EP300: variants seen among roughly 807,000 people sequenced by gnomAD.
EP300 encodes histone acetyltransferase p300.
EP300 carries 31 observed loss-of-function variants against 264.0 expected under a neutral mutation model. The ratio of observed to expected loss-of-function variants is 0.12; its 90% confidence interval spans 0.09 to 0.16. The LOEUF (loss-of-function observed/expected upper bound fraction) is 0.16, where lower values mean the gene tolerates loss of function less well. Among genes scored for constraint, EP300 ranks in the 10% least tolerant of loss-of-function variants. The pLI is 1.00. For missense variants in EP300, 2,766 were observed against 3,052.9 expected (o/e 0.91, Z 2.21); for synonymous variants, 1,340 against 1,045.4 (o/e 1.28, Z -5.44).
At chr22:41,135,232 C>T (rs9611502) in intron 6 of EP300, among the ~76,000 whole-genome samples, 4,020 of 152,268 alleles carry the variant, frequency 0.026, 89 homozygotes, top group South Asian at 0.084. Flanking sequence ...GCAGAATGCA[C>T]TTACCTTTTT....
intron 1 of EP300, among the ~76,000 whole-genome samples, chr22:41,115,638 C>G (rs1255675459): frequency 6.6e-6 from 1 of 152,140 alleles, no homozygotes; most frequent in Non-Finnish European, 1.5e-5. Flanking sequence ...CTGTGTTGAC[C>G]TGGGCTGAAG....
rs1389136890 is a variant in EP300 at position 41,127,603 on chromosome 22, G to A, written c.1023G>A (p.Gln341=). The change falls in exon 4 of 31, where the codon CAG becomes CAA. Residue 341 remains glutamine (Q), a synonymous_variant. Transcript: ENST00000263253. Reference sequence around the variant, plus strand: ...AGAAGCGCAAGCTCATCCAGCAGCAGCTTGTTCTCCTTTTGCATGCTCACA... The same window carrying A: ...AGAAGCGCAAGCTCATCCAGCAGCAACTTGTTCTCCTTTTGCATGCTCACA... ...DPEKRKLIQQ[Q]LVLLLHAHKC... The A allele has an allele frequency of 6.2e-7, 1 of 1,614,222 alleles. No individual in the cohort carries two copies. Among genetic ancestry groups the A allele is most frequent in the East Asian group, 2.2e-5 (1 of 44,882 alleles).
intron 11 of EP300, among the ~76,000 whole-genome samples, chr22:41,147,420 G>A (rs2059017510): frequency 6.6e-6 from 1 of 151,986 alleles, no homozygotes; most frequent in Non-Finnish European, 1.5e-5. Context: ...ATACTTAGAA[G>A]GTTGAAAGCC....
rs906322621 is a variant in EP300 at position 41,179,550 on chromosome 22, T to G, written c.*594T>G. 5.4e-6 allele frequency: 1 copy of G among 185,372 alleles called. No homozygotes were observed. Among genetic ancestry groups the G allele is most frequent in the African/African-American group, 2.4e-5 (1 of 41,176 alleles). The allele number at this position is 185,372 out of a possible 1,614,324, so 11.5% of individuals were successfully genotyped here. A position where few individuals can be genotyped will look rare whatever the true frequency, so the allele number is the denominator to read the frequency against. ...AAAATGTTTAAAAAAAAAAAAAAACTGCCTTTCTTCCCCTCAAGTCAACTT... is the reference window on the plus strand; with the variant it reads ...AAAATGTTTAAAAAAAAAAAAAAACGGCCTTTCTTCCCCTCAAGTCAACTT... On this transcript the variant is annotated 3_prime_UTR_variant, in exon 31 of 31. Transcript: ENST00000263253.
In EP300 at chr22:41,178,265, G is replaced by T; in HGVS notation, c.6554G>T (p.Arg2185Leu). ...TCACAATTCCGAGACATCTTGAGAC[G>T]ACAGCAAATGATGCAACAGCAGCAG... ...MPSQFRDILR[R>L]QQMMQQQQQQ... The change falls in exon 31 of 31, where the codon CGA (arginine) becomes CTA (leucine). Residue 2185 changes from arginine to leucine, a missense_variant. Transcript: ENST00000263253. 1 of 1,613,996 alleles carries T rather than the reference G, an allele frequency of 6.2e-7. No homozygotes were observed. The highest frequency in any genetic ancestry group is 8.5e-7 in the Non-Finnish European group (1 of 1,180,000).
chr22:41,176,883 C>G lies in EP300; in HGVS notation c.5172C>G (p.Thr1724=), dbSNP rs142330184. 5.0e-6 allele frequency: 8 copies of G among 1,614,112 alleles called. No individual in the cohort carries two copies. Among genetic ancestry groups the G allele is most frequent in the Non-Finnish European group, 6.8e-6 (8 of 1,179,982 alleles). The change falls in exon 31 of 31, where the codon ACC becomes ACG. Residue 1724 remains threonine (T), a synonymous_variant. Transcript: ENST00000263253. ...GCAACAACCAGCAGGCTGCAGCCAC[C>G]CAGAGCCCAGGCGATTCTCGCCGCC... ...DESNNQQAAA[T]QSPGDSRRLS... is the part of the protein sequence containing the mutation.
chr22:41,148,576 C>G (rs2059025494), intron 12 of EP300, among the ~76,000 whole-genome samples: 1 of 152,130 alleles, frequency 6.6e-6, no homozygotes, highest in Non-Finnish European at 1.5e-5. Flanking sequence ...TGTAACAGTG[C>G]TAGAGCATTT....
Position 41,152,199 on chromosome 22 carries a change from C to T in EP300, c.2998-7C>T. 1 of 1,613,798 alleles carries T rather than the reference C, an allele frequency of 6.2e-7. No individual in the cohort carries two copies. The highest frequency in any genetic ancestry group is 2.2e-5 in the East Asian group (1 of 44,890). ...GGAATACTAAAAATTCTTACGTTTT[C>T]TTTTAGTCTAAAGTGGAAGACTGTA... On this transcript the variant is annotated splice_polypyrimidine_tract_variant and splice_region_variant and intron_variant, in intron 15 of 30. Transcript: ENST00000263253.
At chr22:41,137,814 T>C (rs1978730002) in intron 8 of EP300, 24 bp downstream of exon 8, 2 of 1,614,112 alleles carry the variant, frequency 1.2e-6, no homozygotes, top group Non-Finnish European at 8.5e-7. Flanking sequence ...TGGACACGTC[T>C]CATTCGTAAA....
intron 1 of EP300, among the ~76,000 whole-genome samples, chr22:41,110,411 G>C (rs1417847196): frequency 7.5e-6 from 1 of 133,996 alleles, no homozygotes; most frequent in Non-Finnish European, 1.5e-5. Flanking sequence ...TCCTGCCTCA[G>C]CCTCCCGACT....
At position 41,179,771 on chromosome 22, in the gene EP300, A is replaced by C. The variant is rs572918594; in HGVS notation, c.*815A>C. On this transcript the variant is annotated 3_prime_UTR_variant, in exon 31 of 31. Coordinates refer to ENST00000263253, the MANE Select transcript of EP300 (RefSeq NM_001429.4). ...TATTTTTACATCTAACAAAGTAAAA[A>C]AATTAAAAAGAGGGTAAGAAACGAT... is the stretch of plus-strand genomic sequence containing the variant. 5 of 231,732 alleles carry C rather than the reference A, an allele frequency of 2.2e-5. No homozygotes were observed. The East Asian group carries it at 3.1e-4, about 14-fold the overall frequency. 14.4% of individuals were successfully genotyped at this position (231,732 alleles called of 1,614,324 possible). A position where few individuals can be genotyped will look rare whatever the true frequency, so the allele number is the denominator to read the frequency against.
At chr22:41,162,947 A>G (rs2059115725) in intron 21 of EP300, among the ~76,000 whole-genome samples, 168 bp downstream of exon 21, 1 of 152,220 alleles carries the variant, frequency 6.6e-6, no homozygotes, top group Non-Finnish European at 1.5e-5. Flanking sequence ...GTACTAAGGA[A>G]CATTATTTCT....
At chr22:41,123,950 T>C (rs1357662876) in intron 2 of EP300, among the ~76,000 whole-genome samples, 2 of 152,216 alleles carry the variant, frequency 1.3e-5, no homozygotes, top group African/African-American at 4.8e-5. Flanking sequence ...ATAAACTACT[T>C]TTTAAAGTAC....
chr22:41,155,227 A>G (rs1473083675), intron 17 of EP300, 114 bp downstream of exon 17: 3 of 766,118 alleles, frequency 3.9e-6, no homozygotes, highest in Non-Finnish European at 4.2e-6. Context: ...TAATTCAGTG[A>G]TTTTTTTTTT....
intron 12 of EP300, chr22:41,148,744 C>T: frequency 2.2e-6 from 1 of 450,234 alleles, no homozygotes. Flanking sequence ...AGAAAATTAC[C>T]TGCTATCCTT....
At chr22:41,153,174 A>G (rs2059057063) in intron 16 of EP300, among the ~76,000 whole-genome samples, 1 of 152,196 alleles carries the variant, frequency 6.6e-6, no homozygotes, top group Non-Finnish European at 1.5e-5. Flanking sequence ...AGACCCAGGC[A>G]GTCTGAGGCA....
chr22:41,095,232 ATT>A (rs66515117), intron 1 of EP300, among the ~76,000 whole-genome samples: 302 of 80,228 alleles, frequency 3.8e-3, no homozygotes, highest in Middle Eastern at 7.9e-3. Context: ...TACCATTGTA[ATT>A]TTTTTTTTTT....
At chr22:41,150,226 A>C in intron 14 of EP300, 28 bp downstream of exon 14, 1 of 1,578,836 alleles carries the variant, frequency 6.3e-7, no homozygotes, top group East Asian at 2.3e-5. Context: ...TTTAGGCAGA[A>C]TCATTAGAGC....
intron 17 of EP300, among the ~76,000 whole-genome samples, chr22:41,156,590 G>A (rs2059078668): frequency 6.6e-6 from 1 of 152,030 alleles, no homozygotes; most frequent in Non-Finnish European, 1.5e-5. Flanking sequence ...GCGTGGTGGT[G>A]CACGCCTGTA....
Sources: gnomAD v4.1 joint callset for allele counts (sites outside exome capture counted in the v4.1 genomes callset) on GRCh38, gnomAD v4.1.1 for gene constraint, MANE v1.5 for transcripts, NCBI Gene and HGNC (gene_info 2026-07-23, HGNC 2026-07-21) for gene names.